The following SNIP1 variants were observed in gnomAD, a reference collection of about 807,000 sequenced individuals.
SNIP1 encodes the protein Smad nuclear interacting protein 1.
Under a neutral mutation model 37.4 loss-of-function variants are expected in SNIP1, and 23 were observed. The observed-to-expected ratio is 0.61, with a 90% CI of 0.44 to 0.87. The LOEUF (loss-of-function observed/expected upper bound fraction) is 0.87. Ranked by LOEUF, SNIP1 falls within the 40% of genes least tolerant of loss-of-function variation. The probability of loss-of-function intolerance (pLI) is 0.00; values close to 1 mark genes in which losing one functional copy is unlikely to be tolerated. For synonymous variants in SNIP1, 174 were observed against 200.0 expected, an observed-to-expected ratio of 0.87 and a Z score of 1.10; for missense variants, 459 against 540.4, an observed-to-expected ratio of 0.85 and a Z score of 1.49.
chr1:37,549,283 T>C (rs1445085081), intron 2 of SNIP1, among the ~76,000 whole-genome samples: 1 of 152,120 alleles, frequency 6.6e-6, no homozygotes, highest in East Asian at 1.9e-4. Context: ...CAACCACTGA[T>C]AAAAGATATC....
rs779675488 is a variant in SNIP1 at position 37,540,460 on chromosome 1, C to T, written c.623G>A (p.Arg208Gln). ...GGSESQELVP[R>Q]PGGNNKEKEV... is the part of the protein sequence containing the mutation. ...TTTTTCTTTGTTGTTGCCACCAGGC[C>T]GAGGAACCAACTCCTGAGACTCACT... The change falls in exon 3 of 4, where the codon CGG (arginine) becomes CAG (glutamine). Residue 208 changes from arginine (R) to glutamine (Q), a missense_variant. Coordinates refer to ENST00000296215, the MANE Select transcript of SNIP1 (RefSeq NM_024700.4). The surrounding 1 kb of genome is among the most constrained non-coding windows in gnomAD (Gnocchi z 5.6). 8.1e-6 allele frequency: 13 copies of T among 1,613,892 alleles called. No homozygotes were observed. Among genetic ancestry groups the T allele is most frequent in the East Asian group, 6.7e-5 (3 of 44,902 alleles).
Position 37,540,677 on chromosome 1 carries a change from T to C in SNIP1, c.406A>G (p.Arg136Gly). ...EPSEQEHRRA[R>G]NSDRDRHRGH... ...CGGTGTCTGTCCCGGTCACTGTTCC[T>C]AGCTCTCCTGTGTTCCTGTTCTGAT... Residue 136 changes from arginine to glycine, a missense_variant, in exon 3 of 4, where the codon AGG becomes GGG. By Grantham distance (125) the Arg-to-Gly change is moderately radical (BLOSUM62 -2). Coordinates refer to ENST00000296215, the MANE Select transcript of SNIP1 (RefSeq NM_024700.4). The surrounding 1 kb of genome is among the most constrained non-coding windows in gnomAD (Gnocchi z 5.6). The C allele has an allele frequency of 6.2e-7, 1 of 1,614,142 alleles. No homozygotes were observed. The highest frequency in any genetic ancestry group is 8.5e-7 in the Non-Finnish European group (1 of 1,180,032).
intron 3 of SNIP1, among the ~76,000 whole-genome samples, chr1:37,539,502 G>T (rs890118764): frequency 6.6e-6 from 1 of 152,154 alleles, no homozygotes; most frequent in Non-Finnish European, 1.5e-5. Flanking sequence ...ACGAGGTCAG[G>T]AGTTCGAGAC....
chr1:37,553,182 C>T lies in SNIP1; in HGVS notation c.225-435G>A, dbSNP rs1017394674. 3.9e-5 allele frequency among the ~76,000 whole-genome samples: 6 copies of T among 152,102 alleles called. No homozygotes were observed. In the South Asian group the frequency reaches 1.0e-3, roughly 26 times the overall value. The stretch of plus-strand genomic sequence containing the variant: ...CACCTTCTTGACCACTATAATCCAC[C>T]GACACTGGCTTTTTCCCATTTCAAT... On this transcript the variant is annotated intron_variant, in intron 1 of 3. Transcript: ENST00000296215.
intron 3 of SNIP1, among the ~76,000 whole-genome samples, chr1:37,539,603 G>C (rs180718940): frequency 6.6e-6 from 1 of 152,134 alleles, no homozygotes; most frequent in Non-Finnish European, 1.5e-5. Context: ...TCAGCTGCTC[G>C]GGAGGCTGAG....
Position 37,540,770 on chromosome 1 carries a change from G to C in SNIP1, c.328-15C>G, listed in dbSNP as rs1441899856. 6.4e-7 allele frequency: 1 copy of C among 1,567,324 alleles called. No homozygotes were observed. The highest frequency in any genetic ancestry group is 8.7e-7 in the Non-Finnish European group (1 of 1,156,026). Reference sequence around the variant, plus strand: ...TCCTCACGCTCCTAAAATTCAAACAGATTCTGTAATTTAAACGCAGTGCAC... The same window carrying C: ...TCCTCACGCTCCTAAAATTCAAACACATTCTGTAATTTAAACGCAGTGCAC... On this transcript the variant is annotated splice_polypyrimidine_tract_variant and intron_variant, in intron 2 of 3. Transcript: ENST00000296215. This position sits in a 1 kb window ranked among gnomAD's most constrained non-coding sequence, Gnocchi z 5.6.
At chr1:37,538,210 T>G (rs1186002847) in intron 3 of SNIP1, among the ~76,000 whole-genome samples, 198 bp from the exon 4 acceptor site, 1 of 151,998 alleles carries the variant, frequency 6.6e-6, no homozygotes, top group Non-Finnish European at 1.5e-5. Context: ...TAAATATACT[T>G]AGAAAAGGTG....
intron 2 of SNIP1, among the ~76,000 whole-genome samples, chr1:37,547,922 G>A (rs930749997): frequency 1.3e-5 from 2 of 151,744 alleles, no homozygotes; most frequent in Non-Finnish European, 2.9e-5. Flanking sequence ...CAAGGCAGGT[G>A]GATTACGAGG....
chr1:37,551,916 C>G (rs983468091), intron 2 of SNIP1, among the ~76,000 whole-genome samples: 1 of 152,168 alleles, frequency 6.6e-6, no homozygotes, highest in South Asian at 2.1e-4. Flanking sequence ...TCTTAACGTT[C>G]ACATAAAAAC....
chr1:37,541,662 CAAAAA>C (rs34756254), intron 2 of SNIP1: 3 of 127,892 alleles, frequency 2.3e-5, no homozygotes, highest in Non-Finnish European at 3.3e-5. Context: ...AACTCCTTCT[CAAAAA>C]AAAAAAAAAA....
intron 2 of SNIP1, among the ~76,000 whole-genome samples, chr1:37,542,176 AAC>A (rs1244912632): frequency 2.6e-5 from 4 of 152,206 alleles, no homozygotes; most frequent in African/African-American, 9.6e-5. Context: ...TGCAAACTGC[AAC>A]AGTTTTCTGA....
Position 37,540,516 on chromosome 1 carries a change from ATGCTCCCG to A in SNIP1, c.559_566del (p.Arg187SerfsTer5). The A allele has an allele frequency of 6.2e-7, 1 of 1,613,982 alleles. No homozygotes were observed. The highest frequency in any genetic ancestry group is 8.5e-7 in the Non-Finnish European group (1 of 1,179,988). On this transcript the variant is annotated frameshift_variant, in exon 3 of 4. Coordinates refer to ENST00000296215, the MANE Select transcript of SNIP1 (RefSeq NM_024700.4). LOFTEE classifies it high-confidence loss of function. This position sits in a 1 kb window ranked among gnomAD's most constrained non-coding sequence, Gnocchi z 5.6. ...CACCACCAACGTCATTCCTCTGGCG[ATGCTCCCG>A]TCGCCTGGCATTATAAAACTCCCGC...
chr1:37,551,178 G>C (rs1192746426), intron 2 of SNIP1, among the ~76,000 whole-genome samples: 2 of 150,454 alleles, frequency 1.3e-5, no homozygotes, highest in Admixed American at 1.3e-4. Flanking sequence ...GCTGAGGCAG[G>C]AGAATCGTTT....
chr1:37,553,892 G>T, intron 1 of SNIP1, 114 bp downstream of exon 1: 1 of 1,076,750 alleles, frequency 9.3e-7, no homozygotes, highest in Non-Finnish European at 1.4e-6. Flanking sequence ...AGCCCCTCAG[G>T]ATTAAGTCCG....
At chr1:37,552,029 G>A (rs1023356591) in intron 2 of SNIP1, among the ~76,000 whole-genome samples, 1 of 152,168 alleles carries the variant, frequency 6.6e-6, no homozygotes, top group African/African-American at 2.4e-5. Context: ...ATGCCATTTG[G>A]ATACCACTCA....
chr1:37,550,181 T>C (rs368948945), intron 2 of SNIP1, among the ~76,000 whole-genome samples: 20 of 152,256 alleles, frequency 1.3e-4, no homozygotes, highest in East Asian at 9.6e-4. Context: ...GGCAAAAAGT[T>C]CTTAGCCATG....
At chr1:37,553,907 G>T in intron 1 of SNIP1, 99 bp downstream of exon 1, 1 of 1,244,968 alleles carries the variant, frequency 8.0e-7, no homozygotes, top group Non-Finnish European at 1.1e-6. Context: ...AGTCCGGGCT[G>T]CTGCGCCCAC....
rs1643154548 is a variant in SNIP1 at position 37,540,096 on chromosome 1, G to C, written c.926+61C>G. The C allele has an allele frequency of 1.4e-6, 2 of 1,425,432 alleles. No individual in the cohort carries two copies. Among genetic ancestry groups the C allele is most frequent in the Non-Finnish European group, 1.9e-6 (2 of 1,050,078 alleles). The allele number at this position is 1,425,432 out of a possible 1,614,324, so 88.3% of individuals were successfully genotyped here. On this transcript the variant is annotated intron_variant, in intron 3 of 3. Transcript: ENST00000296215. This position sits in a 1 kb window ranked among gnomAD's most constrained non-coding sequence, Gnocchi z 5.6. ...TGCATAAACATGAACAAAAATCTTA[G>C]TAATCCTAACTGAGTGATTGTTTCT... is the stretch of plus-strand genomic sequence containing the variant.
At chr1:37,553,218 T>G (rs1421530574) in intron 1 of SNIP1, among the ~76,000 whole-genome samples, 1 of 152,144 alleles carries the variant, frequency 6.6e-6, no homozygotes, top group Non-Finnish European at 1.5e-5. Context: ...CATAATTCAT[T>G]CTACTTCAGG....
Sources: gnomAD v4.1 joint callset for allele counts (sites outside exome capture counted in the v4.1 genomes callset) on GRCh38, gnomAD v4.1.1 for gene constraint, Gnocchi (gnomAD v3.1) non-coding constraint, MANE v1.5 for transcripts, NCBI Gene and HGNC (gene_info 2026-07-23, HGNC 2026-07-21) for gene names.